INSL6: variants seen among roughly 807,000 people sequenced by gnomAD.
The protein encoded by INSL6 is insulin-like peptide INSL6.
A neutral mutation model predicts 9.4 loss-of-function variants in INSL6; 16 were observed. The observed-to-expected ratio is 1.70, with a 90% CI of 1.15 to 2.59. INSL6 has a LOEUF of 2.59. INSL6 is among the 30% of genes most tolerant of loss of function. The pLI is 0.00. For missense variants in INSL6, 391 were observed against 257.3 expected (o/e 1.52, Z -3.56); for synonymous variants, 154 against 96.9 (o/e 1.59, Z -3.46).
the INSL6 span, among the ~76,000 whole-genome samples, chr9:5,040,067 A>G: frequency 6.6e-6 from 1 of 152,220 alleles, no homozygotes; most frequent in African/African-American, 2.4e-5. Context: ...TTTATTACAA[A>G]AGGACTGTAA....
chr9:5,100,089 A>ACTAGTACTATTAG, the INSL6 span: 2 of 152,236 alleles, frequency 1.3e-5, no homozygotes, highest in African/African-American at 2.4e-5. Context: ...CAGGAGACAC[A>ACTAGTACTATTAG]CTAGTACTAT....
chr9:5,076,429 C>T, the INSL6 span, among the ~76,000 whole-genome samples: 1 of 152,116 alleles, frequency 6.6e-6, no homozygotes, highest in Non-Finnish European at 1.5e-5. Flanking sequence ...CAGTCAGCAG[C>T]GATTAACATC....
chr9:5,145,208 T>TCG (rs1824577610), intron 2 of INSL6, among the ~76,000 whole-genome samples: 1 of 151,772 alleles, frequency 6.6e-6, no homozygotes, highest in South Asian at 2.1e-4. Context: ...GTCTTATTTC[T>TCG]CGTTCACTTA....
the INSL6 span, among the ~76,000 whole-genome samples, chr9:5,058,331 AG>A: frequency 1.3e-5 from 2 of 152,224 alleles, no homozygotes; most frequent in Admixed American, 1.3e-4. Flanking sequence ...TCATGGCAGA[AG>A]GTGAAGGGCA....
At chr9:5,142,628 T>C (rs187819763) in intron 2 of INSL6, among the ~76,000 whole-genome samples, 5 of 152,308 alleles carry the variant, frequency 3.3e-5, no homozygotes, top group South Asian at 2.1e-4. Context: ...TTTCCAGATA[T>C]AGGATCGTGT....
the INSL6 span, among the ~76,000 whole-genome samples, chr9:5,107,181 T>G: frequency 6.6e-6 from 1 of 152,140 alleles, no homozygotes; most frequent in African/African-American, 2.4e-5. Context: ...AGAGTACCAT[T>G]GACTTCCAAT....
At chr9:5,010,102 C>G in the INSL6 span, among the ~76,000 whole-genome samples, 1 of 152,144 alleles carries the variant, frequency 6.6e-6, no homozygotes, top group Admixed American at 6.5e-5. Flanking sequence ...TCTATTTCCT[C>G]TACTCTGTCA....
chr9:5,068,659 G>A, the INSL6 span, among the ~76,000 whole-genome samples: 1 of 152,230 alleles, frequency 6.6e-6, no homozygotes, highest in African/African-American at 2.4e-5. Context: ...GCAGTGGCAG[G>A]AGCTGAGATT....
chr9:5,116,916 G>A, the INSL6 span, among the ~76,000 whole-genome samples: 4 of 152,174 alleles, frequency 2.6e-5, no homozygotes, highest in African/African-American at 7.2e-5. Flanking sequence ...AAACATAACA[G>A]TACAAATAAT....
chr9:5,058,119 T>C, the INSL6 span, among the ~76,000 whole-genome samples: 1 of 152,214 alleles, frequency 6.6e-6, no homozygotes, highest in Non-Finnish European at 1.5e-5. Flanking sequence ...TTTTTACTTT[T>C]TGACAATTGT....
the INSL6 span, among the ~76,000 whole-genome samples, chr9:5,035,848 C>T: frequency 6.6e-6 from 1 of 152,168 alleles, no homozygotes; most frequent in Non-Finnish European, 1.5e-5. Flanking sequence ...TCTCACCACT[C>T]CTATTCAACA....
chr9:5,039,195 T>G, the INSL6 span, among the ~76,000 whole-genome samples: 1 of 152,096 alleles, frequency 6.6e-6, no homozygotes, highest in African/African-American at 2.4e-5. Context: ...GGCATTTATA[T>G]TGGAAAATAA....
At chr9:5,010,974 A>C in the INSL6 span, among the ~76,000 whole-genome samples, 1 of 151,992 alleles carries the variant, frequency 6.6e-6, no homozygotes, top group East Asian at 1.9e-4. Flanking sequence ...GGCCTCCATT[A>C]CTTCTGAAGC....
chr9:5,035,670 A>G, the INSL6 span, among the ~76,000 whole-genome samples: 1 of 152,252 alleles, frequency 6.6e-6, no homozygotes, highest in Non-Finnish European at 1.5e-5. Flanking sequence ...GTCTTTGGCA[A>G]AATTCAACAA....
the INSL6 span, among the ~76,000 whole-genome samples, chr9:5,071,049 G>GTCTTCTA: frequency 6.6e-6 from 1 of 151,994 alleles, no homozygotes; most frequent in African/African-American, 2.4e-5. Flanking sequence ...CTGCGCTTCT[G>GTCTTCTA]GTGAGGAAAA....
the INSL6 span, among the ~76,000 whole-genome samples, chr9:5,063,498 T>C: frequency 3.3e-5 from 5 of 152,202 alleles, no homozygotes; most frequent in Non-Finnish European, 7.3e-5. Context: ...TTTTCATCTC[T>C]CTTATATTGG....
the INSL6 span, among the ~76,000 whole-genome samples, chr9:5,052,832 T>G: frequency 2.0e-5 from 3 of 152,114 alleles, no homozygotes; most frequent in African/African-American, 4.8e-5. Flanking sequence ...AGTACTTCAT[T>G]TCTTTTTATT....
chr9:5,018,649 C>T, the INSL6 span, among the ~76,000 whole-genome samples: 46 of 152,278 alleles, frequency 3.0e-4, no homozygotes, highest in African/African-American at 1.1e-3. Flanking sequence ...TGACATTGTT[C>T]TTTGACTTCC....
chr9:5,005,198 C>T, the INSL6 span, among the ~76,000 whole-genome samples: 4 of 139,862 alleles, frequency 2.9e-5, no homozygotes, highest in Non-Finnish European at 4.5e-5. Context: ...AATCCTCCCA[C>T]CTTGGCCTCC....
Sources: gnomAD v4.1 joint callset for allele counts (sites outside exome capture counted in the v4.1 genomes callset) on GRCh38, gnomAD v4.1.1 for gene constraint, MANE v1.5 for transcripts, NCBI Gene and HGNC (gene_info 2026-07-23, HGNC 2026-07-21) for gene names.